Variants in HSF2BP observed in about 807,000 individuals in gnomAD.
The protein encoded by HSF2BP is heat shock transcription factor 2 binding protein.
HSF2BP carries 35 observed loss-of-function variants against 35.0 expected under a neutral mutation model. The observed-to-expected ratio is 1.00, with a 90% CI of 0.76 to 1.32. HSF2BP has a LOEUF of 1.32. HSF2BP is among the 40% of genes most tolerant of loss of function. The pLI, the probability that HSF2BP is intolerant of heterozygous loss-of-function variation, is 0.00. For missense variants in HSF2BP, 326 were observed against 321.7 expected (o/e 1.01, Z -0.10); for synonymous variants, 114 against 117.4 (o/e 0.97, Z 0.18).
chr21:43,593,222 C>T (rs1299462325), intron 7 of HSF2BP, among the ~76,000 whole-genome samples: 1 of 152,112 alleles, frequency 6.6e-6, no homozygotes, highest in Non-Finnish European at 1.5e-5. Flanking sequence ...ATTTCACAGG[C>T]CCTGCAGAAA....
In HSF2BP at chr21:43,604,050, C is replaced by T. The variant is rs767955903; in HGVS notation, c.692+9780G>A. On this transcript the variant is annotated intron_variant, in intron 7 of 8. Coordinates refer to ENST00000291560, the MANE Select transcript of HSF2BP (RefSeq NM_007031.2). ...ACATGTCATGGTAAACGCAGGCTGG[C>T]TAGTGGTTTGAAAGGGCAGCCGTGG... Among the ~76,000 whole-genome samples, 4 of 152,080 alleles carry T rather than the reference C, an allele frequency of 2.6e-5. 1 individual carries two copies. The highest frequency in any genetic ancestry group is 5.9e-5 in the Non-Finnish European group (4 of 68,014).
chr21:43,612,703 C>T (rs2082223526), intron 7 of HSF2BP, among the ~76,000 whole-genome samples: 1 of 149,966 alleles, frequency 6.7e-6, no homozygotes, highest in Admixed American at 6.7e-5. Flanking sequence ...GTGGCACATG[C>T]CTGTAGTCCC....
chr21:43,618,952 GAAA>G (rs942239775), intron 6 of HSF2BP, among the ~76,000 whole-genome samples: 1 of 126,854 alleles, frequency 7.9e-6, no homozygotes, highest in Non-Finnish European at 1.7e-5. Context: ...CTCAAAAAAA[GAAA>G]AAAAAAAAAG....
intron 4 of HSF2BP, among the ~76,000 whole-genome samples, chr21:43,640,435 T>C (rs2082620785): frequency 6.6e-6 from 1 of 152,164 alleles, no homozygotes; most frequent in African/African-American, 2.4e-5. Flanking sequence ...TATAAAGGGG[T>C]AGCACCAAGG....
chr21:43,615,451 C>T (rs749282289), intron 6 of HSF2BP, among the ~76,000 whole-genome samples: 11 of 152,160 alleles, frequency 7.2e-5, no homozygotes, highest in Non-Finnish European at 1.5e-4. Context: ...TCATGTTACC[C>T]GGCCAGCTTC....
intron 7 of HSF2BP, among the ~76,000 whole-genome samples, chr21:43,605,263 CA>C (rs922482234): frequency 1.3e-5 from 2 of 149,788 alleles, no homozygotes; most frequent in African/African-American, 4.9e-5. Flanking sequence ...ACCCACATCA[CA>C]CACCACAGAT....
chr21:43,616,629 C>G (rs924720668), intron 6 of HSF2BP, among the ~76,000 whole-genome samples: 1 of 151,886 alleles, frequency 6.6e-6, no homozygotes, highest in Non-Finnish European at 1.5e-5. Context: ...GGAGACAGAG[C>G]GAAACTCTGT....
intron 2 of HSF2BP, among the ~76,000 whole-genome samples, chr21:43,657,094 G>A (rs773065742): frequency 6.6e-6 from 1 of 152,188 alleles, no homozygotes; most frequent in East Asian, 1.9e-4. Flanking sequence ...CAGGAGGCCC[G>A]GCGCAGTGGC....
At chr21:43,582,343 G>T (rs561831990) in intron 8 of HSF2BP, among the ~76,000 whole-genome samples, 23 of 100,032 alleles carry the variant, frequency 2.3e-4, no homozygotes, top group East Asian at 9.9e-4. Context: ...GATGAGGGCC[G>T]GCTGAGGGAG....
At chr21:43,601,457 T>C (rs1474888897) in intron 7 of HSF2BP, among the ~76,000 whole-genome samples, 1 of 152,268 alleles carries the variant, frequency 6.6e-6, no homozygotes, top group Non-Finnish European at 1.5e-5. Context: ...TTTTTTCTTT[T>C]GCCTATTTGT....
chr21:43,634,255 C>A (rs905096401), intron 4 of HSF2BP, among the ~76,000 whole-genome samples: 1 of 152,166 alleles, frequency 6.6e-6, no homozygotes, highest in Non-Finnish European at 1.5e-5. Context: ...GAATGGCCGT[C>A]CTGATGGCCC....
At chr21:43,505,551 G>A in the HSF2BP span, among the ~76,000 whole-genome samples, 13 of 95,770 alleles carry the variant, frequency 1.4e-4, 1 homozygote, top group Non-Finnish European at 2.2e-4. Flanking sequence ...GCACATGCTC[G>A]AGCTTCTCCT....
At chr21:43,623,187 T>C (rs2082351001) in intron 6 of HSF2BP, among the ~76,000 whole-genome samples, 2 of 151,970 alleles carry the variant, frequency 1.3e-5, no homozygotes, top group Admixed American at 1.3e-4. Flanking sequence ...CACATGGAAA[T>C]TAAACAACAT....
At chr21:43,584,558 T>TG (rs1390605827) in intron 8 of HSF2BP, among the ~76,000 whole-genome samples, 1 of 152,208 alleles carries the variant, frequency 6.6e-6, no homozygotes, top group Non-Finnish European at 1.5e-5. Flanking sequence ...CCAGAGTTAA[T>TG]GTTTGGCCAA....
rs749274163 is a variant in HSF2BP at position 43,656,567 on chromosome 21, T to G, written c.187+20A>C. Reference sequence around the variant, plus strand: ...ACAAATTACTGTTACCACCAATGACTGCTGAAAATGAAGACTCACTTTTTT... The same window carrying G: ...ACAAATTACTGTTACCACCAATGACGGCTGAAAATGAAGACTCACTTTTTT... On this transcript the variant is annotated intron_variant, in intron 3 of 8. Coordinates refer to ENST00000291560, the MANE Select transcript of HSF2BP (RefSeq NM_007031.2). The G allele has an allele frequency of 1.9e-6, 3 of 1,601,868 alleles. No homozygotes were observed. In the Admixed American group the frequency reaches 5.2e-5, roughly 28 times the overall value.
At chr21:43,656,829 T>A in intron 2 of HSF2BP, 92 bp from the exon 3 acceptor site, 3 of 994,430 alleles carry the variant, frequency 3.0e-6, no homozygotes, top group Non-Finnish European at 4.6e-6. Context: ...ACACCTCTTA[T>A]GTGCATCGTT....
intron 2 of HSF2BP, 127 bp from the exon 3 acceptor site, chr21:43,656,864 T>C (rs966580541): frequency 1.4e-6 from 1 of 722,472 alleles, no homozygotes; most frequent in African/African-American, 1.8e-5. Context: ...CTCTACCTAC[T>C]GTATATTCTG....
At chr21:43,621,354 C>G (rs1460501461) in intron 6 of HSF2BP, among the ~76,000 whole-genome samples, 1 of 152,122 alleles carries the variant, frequency 6.6e-6, no homozygotes. Flanking sequence ...TGGTGAAACC[C>G]TGTCTCCACT....
At chr21:43,576,709 A>G (rs1413361497) in intron 8 of HSF2BP, among the ~76,000 whole-genome samples, 1 of 152,232 alleles carries the variant, frequency 6.6e-6, no homozygotes, top group Admixed American at 6.5e-5. Flanking sequence ...ATTTGTCTAA[A>G]GGTCTTAAAA....
Sources: gnomAD v4.1 joint callset for allele counts (sites outside exome capture counted in the v4.1 genomes callset) on GRCh38, gnomAD v4.1.1 for gene constraint, MANE v1.5 for transcripts, NCBI Gene and HGNC (gene_info 2026-07-23, HGNC 2026-07-21) for gene names.